Variants in GARNL3 observed in about 807,000 individuals in gnomAD.
GARNL3 encodes the protein GTPase activating Rap/RanGAP domain like 3.
In GARNL3, 63 loss-of-function variants were observed where a neutral mutation model predicts 125.0. The ratio of observed to expected loss-of-function variants is 0.50; its 90% confidence interval spans 0.41 to 0.62. The LOEUF (loss-of-function observed/expected upper bound fraction) is 0.62. Ranked by LOEUF, GARNL3 falls within the 20% of genes least tolerant of loss-of-function variation. GARNL3 has a pLI of 0.00. For missense variants in GARNL3, 994 were observed against 1,244.0 expected, an observed-to-expected ratio of 0.80 and a Z score of 3.02; for synonymous variants, 439 against 457.5, an observed-to-expected ratio of 0.96 and a Z score of 0.52.
chr9:127,273,175 A>G (rs1366292137), intron 1 of GARNL3, among the ~76,000 whole-genome samples: 2 of 152,176 alleles, frequency 1.3e-5, no homozygotes, highest in Non-Finnish European at 2.9e-5. Flanking sequence ...ATGGATTCCC[A>G]TTTAACTGAT....
chr9:127,309,496 G>A (rs2065040418), intron 2 of GARNL3, among the ~76,000 whole-genome samples: 1 of 152,120 alleles, frequency 6.6e-6, no homozygotes, highest in African/African-American at 2.4e-5. Context: ...ACATAACCCT[G>A]AAAGCATGAC....
intron 7 of GARNL3, 78 bp downstream of exon 7, chr9:127,325,173 C>G (rs890789743): frequency 7.0e-7 from 1 of 1,425,166 alleles, no homozygotes; most frequent in African/African-American, 1.4e-5. Flanking sequence ...ACTGTGAACC[C>G]AGCCTTTGCT....
chr9:127,231,221 A>AT (rs754935724), intron 1 of GARNL3, among the ~76,000 whole-genome samples: 6,978 of 65,614 alleles, frequency 0.11, 984 homozygotes, highest in African/African-American at 0.36. Flanking sequence ...CGCCCAGCTA[A>AT]TTTTTTGTTT....
At chr9:127,373,736 A>T (rs1831730257) in intron 22 of GARNL3, among the ~76,000 whole-genome samples, 1 of 152,008 alleles carries the variant, frequency 6.6e-6, no homozygotes, top group Admixed American at 6.6e-5. Context: ...GTTTAGAAGG[A>T]CTCCTGGCTG....
At chr9:127,245,841 A>G (rs2063292570) in intron 2 of GARNL3, among the ~76,000 whole-genome samples, 1 of 152,198 alleles carries the variant, frequency 6.6e-6, no homozygotes, top group African/African-American at 2.4e-5. Context: ...GTGACAGAAC[A>G]GGGATTGGAC....
chr9:127,345,536 A>T, intron 16 of GARNL3, 59 bp downstream of exon 16: 1 of 1,086,486 alleles, frequency 9.2e-7, no homozygotes. Context: ...AATGAAAATG[A>T]TTGAGATTAT....
intron 7 of GARNL3, among the ~76,000 whole-genome samples, chr9:127,330,034 G>C (rs1829134936): frequency 6.6e-6 from 1 of 152,166 alleles, no homozygotes; most frequent in Admixed American, 6.6e-5. Flanking sequence ...TAGGCCAGCA[G>C]TATCAGCATC....
chr9:127,276,483 G>A (rs1467116693), intron 1 of GARNL3, among the ~76,000 whole-genome samples: 1 of 151,864 alleles, frequency 6.6e-6, no homozygotes, highest in Non-Finnish European at 1.5e-5. Context: ...CTCTTTCTGG[G>A]TAATCTTTCC....
chr9:127,350,989 G>T (rs1268182835), intron 17 of GARNL3, among the ~76,000 whole-genome samples: 1 of 152,162 alleles, frequency 6.6e-6, no homozygotes, highest in Admixed American at 6.6e-5. Flanking sequence ...GTGATTGTTA[G>T]TCCAGGGCTC....
At chr9:127,249,847 A>C (rs914345383) in intron 2 of GARNL3, among the ~76,000 whole-genome samples, 6 of 152,060 alleles carry the variant, frequency 3.9e-5, no homozygotes, top group Non-Finnish European at 8.8e-5. Context: ...GTCTCTACTA[A>C]AAATACAAAA....
chr9:127,382,593 C>T (rs1374319210), intron 22 of GARNL3, among the ~76,000 whole-genome samples: 1 of 152,058 alleles, frequency 6.6e-6, no homozygotes, highest in African/African-American at 2.4e-5. Context: ...GCCTGTGTGA[C>T]AGAACAAGAC....
chr9:127,244,481 A>G (rs572809647), intron 2 of GARNL3, among the ~76,000 whole-genome samples: 1 of 152,346 alleles, frequency 6.6e-6, no homozygotes, highest in South Asian at 2.1e-4. Flanking sequence ...TTAAAAACAT[A>G]GAAGTCTGCC....
chr9:127,388,951 G>A lies in GARNL3; in HGVS notation c.2575G>A (p.Val859Met), dbSNP rs754288487. 8 of 1,613,522 alleles carry A rather than the reference G, an allele frequency of 5.0e-6. No homozygotes were observed. Among genetic ancestry groups the A allele is most frequent in the Admixed American group, 1.7e-5 (1 of 60,016 alleles). The change falls in exon 26 of 28, where the codon GTG (valine) becomes ATG (methionine). Residue 859 changes from valine to methionine, a missense_variant. Transcript: ENST00000373387. ...GTACAAGATTCCACTTAGAAACCTC[G>A]TGGGCAGAAGCATCGAACGACCTCT... ...NLYKIPLRNL[V>M]GRSIERPLKS... is the part of the protein sequence containing the mutation.
At chr9:127,309,388 T>G (rs1245830707) in intron 2 of GARNL3, among the ~76,000 whole-genome samples, 1 of 152,206 alleles carries the variant, frequency 6.6e-6, no homozygotes, top group African/African-American at 2.4e-5. Flanking sequence ...TATAAAATGC[T>G]TAGCCTAATA....
At position 127,374,016 on chromosome 9, in the gene GARNL3, A is replaced by AT. The variant is rs1450477006; in HGVS notation, c.2161+8650_2161+8651insT. ...GTGAGACTCCGTCTCAAAAAAAAAA[A>AT]GGAGGCTGGGTGCGGTGCTTCACGC... On this transcript the variant is annotated intron_variant, in intron 22 of 27. Coordinates refer to ENST00000373387, the MANE Select transcript of GARNL3 (RefSeq NM_032293.5). 3.3e-5 allele frequency among the ~76,000 whole-genome samples: 5 copies of AT among 152,112 alleles called. No individual in the cohort carries two copies. The East Asian group carries it at 9.7e-4, about 29-fold the overall frequency.
intron 1 of GARNL3, among the ~76,000 whole-genome samples, chr9:127,275,876 G>A (rs190627687): frequency 1.4e-4 from 22 of 152,236 alleles, no homozygotes; most frequent in Admixed American, 1.2e-3. Flanking sequence ...TGCAGTTATC[G>A]TTGTGTTGCA....
At position 127,339,500 on chromosome 9, in the gene GARNL3, GC is replaced by G. The variant is rs966543977; in HGVS notation, c.1029-140del. 173 of 628,736 alleles carry G rather than the reference GC, an allele frequency of 2.8e-4. 1 individual carries two copies. In the Admixed American group the frequency reaches 4.2e-3, roughly 15 times the overall value. The allele number at this position is 628,736 out of a possible 1,614,324, so 38.9% of individuals were successfully genotyped here. A position where few individuals can be genotyped will look rare whatever the true frequency, so the allele number is the denominator to read the frequency against. ...CACGAGAATAGCACGGGAAAGACTG[GC>G]CCCCATGATTCAGTTACCTCTCCCT... On this transcript the variant is annotated intron_variant, in intron 12 of 27. Coordinates refer to ENST00000373387, the MANE Select transcript of GARNL3 (RefSeq NM_032293.5).
chr9:127,258,885 G>A (rs2063537893), upstream of GARNL3, among the ~76,000 whole-genome samples: 1 of 152,276 alleles, frequency 6.6e-6, no homozygotes, highest in South Asian at 2.1e-4. Context: ...GTGGAGCAGG[G>A]GCTGAGGCCT....
At chr9:127,388,783 C>T in intron 25 of GARNL3, 121 bp from the exon 26 acceptor site, 1 of 689,980 alleles carries the variant, frequency 1.4e-6, no homozygotes, top group Non-Finnish European at 2.6e-6. Context: ...TGGGACATTA[C>T]AGATCAGTGT....
Sources: gnomAD v4.1 joint callset for allele counts (sites outside exome capture counted in the v4.1 genomes callset) on GRCh38, gnomAD v4.1.1 for gene constraint, MANE v1.5 for transcripts, NCBI Gene and HGNC (gene_info 2026-07-23, HGNC 2026-07-21) for gene names.